The following PRKAR2B variants were observed in gnomAD, a reference collection of about 807,000 sequenced individuals.
PRKAR2B encodes the protein protein kinase cAMP-dependent type II regulatory subunit beta, also known as cAMP-dependent protein kinase type II-beta regulatory subunit.
In PRKAR2B, 14 loss-of-function variants were observed where a neutral mutation model predicts 49.9. That is an observed-to-expected ratio of 0.28 (90% CI 0.19 to 0.44). The LOEUF (loss-of-function observed/expected upper bound fraction) is 0.44. Among genes scored for constraint, PRKAR2B ranks in the 20% least tolerant of loss-of-function variants. The pLI, the probability that PRKAR2B is intolerant of heterozygous loss-of-function variation, is 1.00. For synonymous variants in PRKAR2B, 196 were observed against 197.7 expected (o/e 0.99, Z 0.07); for missense variants, 393 against 537.9 (o/e 0.73, Z 2.67).
intron 1 of PRKAR2B, 61 bp downstream of exon 1, chr7:107,045,275 C>A (rs1277238401): frequency 2.2e-6 from 3 of 1,347,904 alleles, no homozygotes; most frequent in Non-Finnish European, 2.9e-6. Context: ...CACCGCTCCC[C>A]GCTGTGCTCT....
chr7:107,071,057 T>G (rs1794259006), intron 2 of PRKAR2B, among the ~76,000 whole-genome samples: 1 of 152,202 alleles, frequency 6.6e-6, no homozygotes, highest in African/African-American at 2.4e-5. Flanking sequence ...GTTTGGGCAT[T>G]GAGATAAACT....
chr7:107,106,587 ATC>A (rs1027788069), intron 2 of PRKAR2B, among the ~76,000 whole-genome samples: 1 of 152,146 alleles, frequency 6.6e-6, no homozygotes, highest in Non-Finnish European at 1.5e-5. Context: ...CTCTCCCTCC[ATC>A]TCCATCAGCT....
chr7:107,083,535 A>G (rs756759679), intron 2 of PRKAR2B, among the ~76,000 whole-genome samples: 4 of 152,094 alleles, frequency 2.6e-5, no homozygotes, highest in Non-Finnish European at 4.4e-5. Flanking sequence ...ACAGGTATGG[A>G]AACTGAGGCA....
chr7:107,049,551 T>A (rs1163285836), intron 1 of PRKAR2B, among the ~76,000 whole-genome samples: 1 of 152,174 alleles, frequency 6.6e-6, no homozygotes, highest in Non-Finnish European at 1.5e-5. Flanking sequence ...TTACAAAACA[T>A]CCTTAAGGTC....
intron 2 of PRKAR2B, among the ~76,000 whole-genome samples, chr7:107,075,860 TGG>T (rs1398186177): frequency 2.0e-5 from 3 of 152,190 alleles, no homozygotes; most frequent in Non-Finnish European, 4.4e-5. Context: ...TCCTTTAATA[TGG>T]GCATCTTTTT....
chr7:107,122,968 G>A lies in PRKAR2B; in HGVS notation c.396+964G>A, dbSNP rs535381075. 2.6e-5 allele frequency among the ~76,000 whole-genome samples: 4 copies of A among 152,280 alleles called. 1 individual carries two copies. In the South Asian group the frequency reaches 8.3e-4, roughly 32 times the overall value. On this transcript the variant is annotated intron_variant, in intron 3 of 10. Transcript: ENST00000265717. ...TTATAAATCCTAGCCTGGAAATGAT[G>A]TTGTTTTAGGATTAAGGTATTTTTA...
rs77158488 is a variant in PRKAR2B at position 107,134,032 on chromosome 7, G to C, written c.480+5737G>C. Among the ~76,000 whole-genome samples, 19 of 150,768 alleles carry C rather than the reference G, an allele frequency of 1.3e-4. No individual in the cohort carries two copies. In the East Asian group the frequency reaches 3.1e-3, roughly 25 times the overall value. The stretch of plus-strand genomic sequence containing the variant: ...ATACTGTTATGCCCTGTTTTTTTTT[G>C]TTGTTGTTGTTGTTTTTTGAGAGTC... On this transcript the variant is annotated intron_variant, in intron 4 of 10. Transcript: ENST00000265717.
chr7:107,158,847 T>G (rs911513224), intron 10 of PRKAR2B, among the ~76,000 whole-genome samples: 1 of 152,200 alleles, frequency 6.6e-6, no homozygotes, highest in African/African-American at 2.4e-5. Context: ...CTTTTATGTA[T>G]AGAGTATGAT....
At chr7:107,060,757 T>G (rs1056499414) in intron 1 of PRKAR2B, among the ~76,000 whole-genome samples, 1 of 152,168 alleles carries the variant, frequency 6.6e-6, no homozygotes, top group South Asian at 2.1e-4. Context: ...TTGAACATAA[T>G]TTTTAATTTT....
intron 6 of PRKAR2B, among the ~76,000 whole-genome samples, chr7:107,146,957 A>G (rs1795904959): frequency 6.6e-6 from 1 of 152,212 alleles, no homozygotes; most frequent in African/African-American, 2.4e-5. Flanking sequence ...AAACCAGTAT[A>G]AAAGGATGCT....
At chr7:107,085,432 G>A (rs1435087402) in intron 2 of PRKAR2B, among the ~76,000 whole-genome samples, 1 of 151,906 alleles carries the variant, frequency 6.6e-6, no homozygotes, top group Admixed American at 6.6e-5. Context: ...TTTTTTTATA[G>A]TTGTGATTAG....
chr7:107,062,750 C>G (rs1584405899), intron 1 of PRKAR2B, among the ~76,000 whole-genome samples: 1 of 150,374 alleles, frequency 6.7e-6, no homozygotes, highest in Non-Finnish European at 1.5e-5. Context: ...TCTTTTTTTT[C>G]CACATTTTAT....
intron 1 of PRKAR2B, among the ~76,000 whole-genome samples, chr7:107,056,081 C>T (rs181910752): frequency 1.3e-5 from 2 of 152,174 alleles, no homozygotes; most frequent in Non-Finnish European, 2.9e-5. Flanking sequence ...GAATCCTTTC[C>T]CCATTGCTTG....
intron 2 of PRKAR2B, chr7:107,091,719 T>C (rs1006520892): frequency 2.6e-5 from 4 of 152,214 alleles, no homozygotes; most frequent in Non-Finnish European, 5.9e-5. Flanking sequence ...ATGGTGGAAA[T>C]GCCACTATTT....
intron 1 of PRKAR2B, among the ~76,000 whole-genome samples, chr7:107,061,829 G>A (rs751214357): frequency 3.3e-5 from 5 of 152,244 alleles, no homozygotes; most frequent in Admixed American, 6.5e-5. Flanking sequence ...CCGGGATGGC[G>A]AAGGTTGCAG....
Position 107,066,301 on chromosome 7 carries a change from G to GGGGTGTGTGTGT in PRKAR2B, c.308-3979_308-3978insGGTGTGTGTGTG, listed in dbSNP as rs147673007. Among the ~76,000 whole-genome samples the GGGGTGTGTGTGT allele has an allele frequency of 7.8e-4, 114 of 145,602 alleles. 1 individual carries two copies. The highest frequency in any genetic ancestry group is 2.8e-3 in the African/African-American group (110 of 38,632). ...AGTCTCTAGTTTTCTCTCTATGTGGGGTGTGTGTGTGTGTGTGTGTGTGTG... is the reference window on the plus strand; with the variant it reads ...AGTCTCTAGTTTTCTCTCTATGTGGGGGGTGTGTGTGTGTGTGTGTGTGTGTGTGTGTGTGTG... On this transcript the variant is annotated intron_variant, in intron 1 of 10. Coordinates refer to ENST00000265717, the MANE Select transcript of PRKAR2B (RefSeq NM_002736.3).
chr7:107,052,621 A>C (rs982145970), intron 1 of PRKAR2B, among the ~76,000 whole-genome samples: 1 of 152,168 alleles, frequency 6.6e-6, no homozygotes, highest in Non-Finnish European at 1.5e-5. Context: ...CTTCCTCTTC[A>C]ACCACGGTTT....
intron 2 of PRKAR2B, among the ~76,000 whole-genome samples, chr7:107,083,105 A>G (rs894181795): frequency 2.6e-5 from 4 of 151,560 alleles, no homozygotes; most frequent in African/African-American, 4.8e-5. Flanking sequence ...GAGGCTGGGT[A>G]TGGTGGCTCA....
rs1796199590 is a variant in PRKAR2B, at chr7:107,161,611, G to A, written c.*2029G>A. On this transcript the variant is annotated 3_prime_UTR_variant, in exon 11 of 11. Transcript: ENST00000265717. ...CATGATAGCAATGTGGCATGTGGAA[G>A]CGAACCCCCAGGGCATAACATAGTA... The A allele has an allele frequency of 6.6e-6, 1 of 152,586 alleles. No individual in the cohort carries two copies. Among genetic ancestry groups the A allele is most frequent in the East Asian group, 1.9e-4 (1 of 5,200 alleles). The allele number at this position is 152,586 out of a possible 1,614,324, so 9.5% of individuals were successfully genotyped here.
Sources: allele counts gnomAD v4.1 joint callset (sites outside exome capture counted in the v4.1 genomes callset), GRCh38; gene constraint gnomAD v4.1.1; transcripts MANE v1.5; gene names NCBI Gene and HGNC (gene_info 2026-07-23, HGNC 2026-07-21).